Variants in KCNAB1 observed in about 807,000 individuals in gnomAD.
The protein encoded by KCNAB1 is potassium voltage-gated channel subfamily A regulatory beta subunit 1.
In KCNAB1, 35 loss-of-function variants were observed where a neutral mutation model predicts 64.6. The ratio of observed to expected loss-of-function variants is 0.54; its 90% CI spans 0.41 to 0.72. The LOEUF (loss-of-function observed/expected upper bound fraction) is 0.72. KCNAB1 is among the 30% of genes least tolerant of loss of function. The pLI, the probability that KCNAB1 is intolerant of heterozygous loss-of-function variation, is 0.00. For synonymous variants in KCNAB1, 177 were observed against 183.8 expected (o/e 0.96, Z 0.30); for missense variants, 401 against 512.9 (o/e 0.78, Z 2.11).
At chr3:156,311,056 A>G (rs1721866242) in intron 1 of KCNAB1, among the ~76,000 whole-genome samples, 2 of 152,202 alleles carry the variant, frequency 1.3e-5, no homozygotes, top group East Asian at 3.8e-4. Flanking sequence ...TTCGAGGAGC[A>G]GAAGACCCCC....
downstream of KCNAB1, chr3:156,538,937 A>AAAT (rs1299930275): frequency 6.6e-6 from 1 of 152,364 alleles, no homozygotes. Context: ...AATCAAAACC[A>AAAT]AATATAAATA....
intron 8 of KCNAB1, among the ~76,000 whole-genome samples, chr3:156,479,503 A>G (rs1259172710): frequency 6.6e-6 from 1 of 152,164 alleles, no homozygotes; most frequent in African/African-American, 2.4e-5. Context: ...TGCTCCAGGA[A>G]GAACAGATTG....
At chr3:156,141,612 A>G (rs1470068359) in intron 1 of KCNAB1, among the ~76,000 whole-genome samples, 1 of 151,504 alleles carries the variant, frequency 6.6e-6, no homozygotes, top group Non-Finnish European at 1.5e-5. Flanking sequence ...CATTCCTTTT[A>G]CTTGCTGAGT....
chr3:156,143,569 G>GTTTTTTTTTT (rs56216211), intron 1 of KCNAB1: 26 of 297,046 alleles, frequency 8.8e-5, no homozygotes, highest in South Asian at 1.5e-4. Flanking sequence ...TTGCATTCTT[G>GTTTTTTTTTT]TTTTTTTTTT....
At chr3:156,388,060 G>A (rs1712743694) in intron 1 of KCNAB1, among the ~76,000 whole-genome samples, 2 of 152,146 alleles carry the variant, frequency 1.3e-5, no homozygotes, top group South Asian at 4.2e-4. Context: ...TATGGTCAAG[G>A]TGTCACTCTG....
rs114423717 is a variant in KCNAB1, at chr3:156,216,050, A to C, written c.275+95164A>C. Reference sequence around the variant, plus strand: ...GCTTTGCTTCTGGAAAAGCCTTTGGATATAGTGGGTAGCTACAAATTTGGG... The same window carrying C: ...GCTTTGCTTCTGGAAAAGCCTTTGGCTATAGTGGGTAGCTACAAATTTGGG... On this transcript the variant is annotated intron_variant, in intron 1 of 13. Coordinates refer to ENST00000490337, the MANE Select transcript of KCNAB1 (RefSeq NM_172160.3). Among the ~76,000 whole-genome samples, 161 of 152,276 alleles carry C rather than the reference A, an allele frequency of 1.1e-3. 1 individual carries two copies. Among genetic ancestry groups the C allele is most frequent in the Non-Finnish European group, 1.7e-3 (115 of 68,028 alleles).
intron 1 of KCNAB1, among the ~76,000 whole-genome samples, chr3:156,412,257 A>G (rs1714720998): frequency 6.6e-6 from 1 of 152,176 alleles, no homozygotes; most frequent in South Asian, 2.1e-4. Flanking sequence ...TTCACTTATT[A>G]GTTCTAGGAG....
chr3:156,183,553 C>T (rs1466744120), intron 1 of KCNAB1, among the ~76,000 whole-genome samples: 1 of 152,158 alleles, frequency 6.6e-6, no homozygotes, highest in Non-Finnish European at 1.5e-5. Context: ...CTTGGCTGAA[C>T]GTGTGCTCAG....
At chr3:156,245,632 G>A (rs896269407) in intron 1 of KCNAB1, among the ~76,000 whole-genome samples, 1 of 152,160 alleles carries the variant, frequency 6.6e-6, no homozygotes, top group Admixed American at 6.5e-5. Context: ...AAAATTAGAT[G>A]CTATATCCCA....
intron 1 of KCNAB1, among the ~76,000 whole-genome samples, chr3:156,216,376 G>A (rs1715319546): frequency 6.6e-6 from 1 of 152,166 alleles, no homozygotes; most frequent in Non-Finnish European, 1.5e-5. Flanking sequence ...ATGAACATAG[G>A]CATGCCATGT....
intron 8 of KCNAB1, among the ~76,000 whole-genome samples, chr3:156,492,811 T>C (rs1715729314): frequency 6.6e-6 from 1 of 152,086 alleles, no homozygotes; most frequent in African/African-American, 2.4e-5. Flanking sequence ...AGATAATGTC[T>C]CAAAAGGCTG....
At chr3:156,205,433 T>G (rs904476246) in intron 1 of KCNAB1, among the ~76,000 whole-genome samples, 18 of 152,204 alleles carry the variant, frequency 1.2e-4, no homozygotes, top group African/African-American at 4.3e-4. Flanking sequence ...TCAGGTGTAA[T>G]AGAATTTGAT....
At chr3:156,329,397 T>C (rs555279103) in intron 1 of KCNAB1, among the ~76,000 whole-genome samples, 1 of 152,048 alleles carries the variant, frequency 6.6e-6, no homozygotes, top group African/African-American at 2.4e-5. Flanking sequence ...ATTCTTCAAG[T>C]CCAAGAAAAG....
intron 1 of KCNAB1, among the ~76,000 whole-genome samples, chr3:156,148,861 T>C (rs558921189): frequency 6.6e-5 from 1 of 15,120 alleles, no homozygotes; most frequent in South Asian, 8.0e-4. Context: ...TTTTCTTTCT[T>C]TTTTTTTTTT....
In KCNAB1 at chr3:156,219,401, G is replaced by A. The variant is rs117207841; in HGVS notation, c.275+98515G>A. On this transcript the variant is annotated intron_variant, in intron 1 of 13. Transcript: ENST00000490337. ...CTAGGTTTTTGAATTAACCTAATCC[G>A]TCAAAGACAAAGAAAAAAGAATTTA... Among the ~76,000 whole-genome samples, 44 of 151,798 alleles carry A rather than the reference G, an allele frequency of 2.9e-4. No homozygotes were observed. In the East Asian group the frequency reaches 6.2e-3, roughly 21 times the overall value.
chr3:156,396,426 C>A (rs1476395515), intron 1 of KCNAB1, among the ~76,000 whole-genome samples: 3 of 152,240 alleles, frequency 2.0e-5, no homozygotes, highest in Non-Finnish European at 2.9e-5. Flanking sequence ...TAAAACACAT[C>A]TTTTCAATCA....
intron 1 of KCNAB1, among the ~76,000 whole-genome samples, chr3:156,192,821 T>G (rs145879184): frequency 1.0e-3 from 153 of 152,264 alleles, no homozygotes; most frequent in Middle Eastern, 3.4e-3. Flanking sequence ...TTCTTTAGAT[T>G]AGTATTATGA....
chr3:156,166,490 T>C (rs150854459), intron 1 of KCNAB1, among the ~76,000 whole-genome samples: 4 of 152,192 alleles, frequency 2.6e-5, no homozygotes, highest in African/African-American at 9.6e-5. Flanking sequence ...AAACATGTTA[T>C]TTTTATCATT....
chr3:156,490,781 T>A (rs1715572958), intron 8 of KCNAB1, among the ~76,000 whole-genome samples: 1 of 152,074 alleles, frequency 6.6e-6, no homozygotes, highest in Non-Finnish European at 1.5e-5. Context: ...GGGGGAGTTA[T>A]CGCAAAGCAA....
Sources: gnomAD v4.1 joint callset for allele counts (sites outside exome capture counted in the v4.1 genomes callset) on GRCh38, gnomAD v4.1.1 for gene constraint, MANE v1.5 for transcripts, NCBI Gene and HGNC (gene_info 2026-07-23, HGNC 2026-07-21) for gene names.